Variants in REN observed in about 807,000 individuals in gnomAD.
REN encodes the protein angiotensin-forming enzyme.
Under a neutral mutation model 48.6 loss-of-function variants are expected in REN, and 42 were observed. The observed-to-expected ratio is 0.86, with a 90% CI of 0.68 to 1.12. The LOEUF (loss-of-function observed/expected upper bound fraction) is 1.12. REN is among the 50% of genes most tolerant of loss of function. The pLI is 0.00. For synonymous variants in REN, 196 were observed against 204.6 expected, an observed-to-expected ratio of 0.96 and a Z score of 0.36; for missense variants, 443 against 527.3, an observed-to-expected ratio of 0.84 and a Z score of 1.57.
intron 4 of REN, among the ~76,000 whole-genome samples, 188 bp from the exon 5 acceptor site, chr1:204,159,783 G>C (rs571368428): frequency 3.0e-4 from 46 of 152,318 alleles, no homozygotes; most frequent in African/African-American, 1.1e-3. Flanking sequence ...GCGGAGCCCA[G>C]AGAGAGCTAG....
chr1:204,165,266 C>T (rs999581562), intron 1 of REN, among the ~76,000 whole-genome samples: 22 of 152,262 alleles, frequency 1.4e-4, no homozygotes, highest in Admixed American at 3.3e-4. Flanking sequence ...CCACTGCTCC[C>T]GGCCAAACCT....
intron 5 of REN, 138 bp from the exon 6 acceptor site, chr1:204,157,507 C>T (rs2102311673): frequency 8.3e-7 from 1 of 1,206,686 alleles, no homozygotes; most frequent in East Asian, 2.3e-5. Flanking sequence ...AGTCACTTGC[C>T]TGAAGTTACC....
At chr1:204,158,651 C>T (rs997605213) in intron 5 of REN, among the ~76,000 whole-genome samples, 1 of 152,188 alleles carries the variant, frequency 6.6e-6, no homozygotes, top group African/African-American at 2.4e-5. Flanking sequence ...GGAGTAGAGC[C>T]CAACCCTGCT....
Position 204,156,948 on chromosome 1 carries a change from T to C in REN, c.699-152A>G, listed in dbSNP as rs1658161683. The C allele has an allele frequency of 2.0e-6, 2 of 1,008,686 alleles. No homozygotes were observed. Among genetic ancestry groups the C allele is most frequent in the East Asian group, 2.4e-5 (1 of 41,868 alleles). 62.5% of individuals were successfully genotyped at this position (1,008,686 alleles called of 1,614,324 possible). On this transcript the variant is annotated intron_variant, in intron 6 of 9. Transcript: ENST00000272190. The surrounding 1 kb of genome is among the most constrained non-coding windows in gnomAD (Gnocchi z 4.2). Reference sequence around the variant, plus strand: ...AGACAGCCAGGCTCGGAGCTGTCGTTGGGAAGCATGCAGAACATACTGCTT... The same window carrying C: ...AGACAGCCAGGCTCGGAGCTGTCGTCGGGAAGCATGCAGAACATACTGCTT...
At chr1:204,159,635 C>T (rs1016938847) in intron 4 of REN, 40 bp from the exon 5 acceptor site, 1 of 1,590,526 alleles carries the variant, frequency 6.3e-7, no homozygotes, top group Non-Finnish European at 8.6e-7. Flanking sequence ...GCCCACTGCC[C>T]ACTCCTTGGT....
chr1:204,166,114 C>A (rs971180109), intron 1 of REN, 82 bp downstream of exon 1: 2 of 1,119,848 alleles, frequency 1.8e-6, no homozygotes, highest in African/African-American at 3.1e-5. Context: ...CTGAATGACA[C>A]CGCATGTGGA....
chr1:204,160,363 G>A lies in REN; in HGVS notation c.492+197C>T, dbSNP rs138382938. ...CCACAAACCACCCAACGGTGAGCCCGTAGCCCAGGCTTGCTCCCCCATAGG... is the reference window on the plus strand; with the variant it reads ...CCACAAACCACCCAACGGTGAGCCCATAGCCCAGGCTTGCTCCCCCATAGG... On this transcript the variant is annotated intron_variant, in intron 4 of 9. Transcript: ENST00000272190. 2.2e-3 allele frequency among the ~76,000 whole-genome samples: 334 copies of A among 152,336 alleles called. 1 individual carries two copies. Among genetic ancestry groups the A allele is most frequent in the Admixed American group, 6.9e-3 (105 of 15,306 alleles).
intron 5 of REN, 101 bp from the exon 6 acceptor site, chr1:204,157,470 T>A (rs1658170389): frequency 9.8e-6 from 15 of 1,530,752 alleles, no homozygotes; most frequent in Non-Finnish European, 1.4e-5. Flanking sequence ...TCTTTGCCCT[T>A]CAGGCAATGG....
chr1:204,157,187 T>C (rs1658165466), intron 6 of REN, among the ~76,000 whole-genome samples, 174 bp downstream of exon 6: 1 of 151,756 alleles, frequency 6.6e-6, no homozygotes, highest in Non-Finnish European at 1.5e-5. Flanking sequence ...GGCTATTGGG[T>C]ATGGGGTGGG....
Position 204,155,959 on chromosome 1 carries a change from A to T in REN, c.961-41T>A, listed in dbSNP as rs539225685. On this transcript the variant is annotated intron_variant, in intron 8 of 9. Coordinates refer to ENST00000272190, the MANE Select transcript of REN (RefSeq NM_000537.4). ...AAGAGAGCCTTCTTGAGTATGGAAG[A>T]CGTCTCAGCAGACAAGGAGTCCTGC... 99 of 1,554,994 alleles carry T rather than the reference A, an allele frequency of 6.4e-5. 1 individual carries two copies. The East Asian group carries it at 2.2e-3, about 35-fold the overall frequency.
chr1:204,156,614 C>T lies in REN; in HGVS notation c.818+63G>A. The T allele has an allele frequency of 6.4e-7, 1 of 1,563,198 alleles. No homozygotes were observed. Among genetic ancestry groups the T allele is most frequent in the Non-Finnish European group, 8.8e-7 (1 of 1,135,362 alleles). On this transcript the variant is annotated intron_variant, in intron 7 of 9. Transcript: ENST00000272190. This position sits in a 1 kb window ranked among gnomAD's most constrained non-coding sequence, Gnocchi z 4.2. ...AGGATGGTAATGCAGTCCTTCCCCA[C>T]CCTCCCCAACCCCAGTGACGGCAGC...
intron 1 of REN, among the ~76,000 whole-genome samples, chr1:204,165,598 C>CA (rs1342839794): frequency 6.8e-6 from 1 of 146,464 alleles, no homozygotes; most frequent in African/African-American, 2.5e-5. Context: ...CGACCCCCGT[C>CA]TTTTTTTTTT....
intron 2 of REN, among the ~76,000 whole-genome samples, chr1:204,161,677 A>T (rs1658248642): frequency 6.6e-6 from 1 of 152,028 alleles, no homozygotes; most frequent in South Asian, 2.1e-4. Flanking sequence ...ACTCTTGAGG[A>T]TCCTCTGGGG....
chr1:204,159,666 C>CTAGTGTGGAAGCCCAG, intron 4 of REN, 71 bp from the exon 5 acceptor site: 1 of 1,368,502 alleles, frequency 7.3e-7, no homozygotes, highest in Non-Finnish European at 1.0e-6. Context: ...TCTGGGCTTC[C>CTAGTGTGGAAGCCCAG]ACACTAGGGA....
At chr1:204,165,672 T>C (rs1252594109) in intron 1 of REN, among the ~76,000 whole-genome samples, 1 of 150,536 alleles carries the variant, frequency 6.6e-6, no homozygotes, top group Admixed American at 6.6e-5. Flanking sequence ...GGCTCAGCAA[T>C]CTCCACCTTC....
chr1:204,162,100 G>A lies in REN; in HGVS notation c.162C>T (p.Ala54=), dbSNP rs781252713. ...ESLKERGVDM[A]RLGPEWSQPM... is the part of the protein sequence containing the mutation. ...GTTGGCTCCACTCGGGACCAAGCCT[G>A]GCCATGTCCACACCTCGTTCCTTCA... The change falls in exon 2 of 10, where the codon GCC becomes GCT. Residue 54 remains alanine, a synonymous_variant. Transcript: ENST00000272190. The A allele has an allele frequency of 5.6e-6, 9 of 1,614,136 alleles. No individual in the cohort carries two copies. The South Asian group carries it at 7.7e-5, about 14-fold the overall frequency.
chr1:204,164,227 G>A (rs922614966), intron 1 of REN, among the ~76,000 whole-genome samples: 8 of 152,166 alleles, frequency 5.3e-5, no homozygotes, highest in Non-Finnish European at 1.2e-4. Flanking sequence ...TCACAACCCA[G>A]CAATTACTCT....
chr1:204,161,511 G>A (rs1658246821), intron 2 of REN, 96 bp from the exon 3 acceptor site: 1 of 1,237,450 alleles, frequency 8.1e-7, no homozygotes, highest in Non-Finnish European at 1.1e-6. Context: ...GTGAGACTTG[G>A]CCCAGGCGAG....
At chr1:204,163,105 A>C (rs1442119018) in intron 1 of REN, among the ~76,000 whole-genome samples, 1 of 152,182 alleles carries the variant, frequency 6.6e-6, no homozygotes, top group Non-Finnish European at 1.5e-5. Context: ...CCAGAGGAAG[A>C]TGTCTCTAGC....
Sources: allele counts gnomAD v4.1 joint callset (sites outside exome capture counted in the v4.1 genomes callset), GRCh38; gene constraint gnomAD v4.1.1; non-coding constraint Gnocchi (gnomAD v3.1); transcripts MANE v1.5; gene names NCBI Gene and HGNC (gene_info 2026-07-23, HGNC 2026-07-21).